Variants in EYS observed in about 807,000 individuals in gnomAD.
The protein encoded by EYS is protein eyes shut homolog.
In EYS, 250 loss-of-function variants were observed where a neutral mutation model predicts 282.1. The ratio of observed to expected loss-of-function variants is 0.89; its 90% CI spans 0.80 to 0.98. The LOEUF is 0.98. Ranked by LOEUF, EYS falls within the 50% of genes least tolerant of loss-of-function variation. EYS has a pLI of 0.00. For missense variants in EYS, 4,016 were observed against 3,709.0 expected (o/e 1.08, Z -2.15); for synonymous variants, 1,355 against 1,282.9 (o/e 1.06, Z -1.20).
chr6:64,454,316 G>A (rs762585877), intron 26 of EYS, among the ~76,000 whole-genome samples: 7 of 151,990 alleles, frequency 4.6e-5, no homozygotes, highest in East Asian at 1.9e-4. Context: ...CATAGGTCAC[G>A]TTCTGCATAT....
At chr6:63,954,971 C>T (rs1765752193) in intron 35 of EYS, among the ~76,000 whole-genome samples, 1 of 152,120 alleles carries the variant, frequency 6.6e-6, no homozygotes, top group African/African-American at 2.4e-5. Context: ...ATTGTTCAGG[C>T]CCCCTCTCTT....
intron 35 of EYS, among the ~76,000 whole-genome samples, chr6:63,888,002 C>T (rs1166482689): frequency 6.6e-6 from 1 of 152,180 alleles, no homozygotes; most frequent in Non-Finnish European, 1.5e-5. Context: ...TTTCCCCTCA[C>T]AGTGTAAACA....
intron 12 of EYS, among the ~76,000 whole-genome samples, chr6:65,159,724 A>G (rs562256519): frequency 6.6e-6 from 1 of 150,872 alleles, no homozygotes; most frequent in East Asian, 2.0e-4. Context: ...ACTCATATTA[A>G]GTTTTGGTAT....
chr6:65,306,217 C>G (rs145019632), intron 11 of EYS, among the ~76,000 whole-genome samples: 1 of 152,308 alleles, frequency 6.6e-6, no homozygotes, highest in Admixed American at 6.5e-5. Flanking sequence ...GTCATGTTGG[C>G]TCCTAAGGAA....
At chr6:64,819,684 G>A (rs12211046) in intron 21 of EYS, among the ~76,000 whole-genome samples, 9,533 of 151,876 alleles carry the variant, frequency 0.063, 389 homozygotes, top group Middle Eastern at 0.1. Flanking sequence ...ACAGTGGGAA[G>A]GATTTCTTTG....
chr6:65,421,796 G>C (rs565354666), intron 5 of EYS, among the ~76,000 whole-genome samples: 1 of 151,824 alleles, frequency 6.6e-6, no homozygotes, highest in Non-Finnish European at 1.5e-5. Flanking sequence ...CATGAGAAGA[G>C]GGGGAGAGAA....
rs77513451 is a variant in EYS at position 64,904,665 on chromosome 6, T to G, written c.2642-2165A>C. ...CAGGGCATTTTGACACTAAAATGAT[T>G]CTTAGAAATGTTCTTTTGAGGCAGT... On this transcript the variant is annotated intron_variant, in intron 16 of 42. Transcript: ENST00000503581. Among the ~76,000 whole-genome samples, 1,097 of 152,294 alleles carry G rather than the reference T, an allele frequency of 7.2e-3. 26 individuals carry two copies. The highest frequency in any genetic ancestry group is 0.042 in the Admixed American group (644 of 15,286).
At chr6:64,245,461 T>G (rs1766981525) in intron 30 of EYS, among the ~76,000 whole-genome samples, 1 of 152,044 alleles carries the variant, frequency 6.6e-6, no homozygotes, top group Non-Finnish European at 1.5e-5. Context: ...ATTACAGTTG[T>G]GAGCCACTGC....
intron 31 of EYS, among the ~76,000 whole-genome samples, chr6:64,138,494 T>C (rs969264592): frequency 6.6e-5 from 10 of 152,108 alleles, no homozygotes; most frequent in Non-Finnish European, 1.3e-4. Flanking sequence ...TAAGAGGGCA[T>C]ATAAAACAAT....
At position 64,549,517 on chromosome 6, in the gene EYS, C is replaced by T. The variant is rs534100981; in HGVS notation, c.5644+40706G>A. Among the ~76,000 whole-genome samples, 111 of 152,270 alleles carry T rather than the reference C, an allele frequency of 7.3e-4. 1 individual carries two copies. The Middle Eastern group carries it at 0.014, about 19-fold the overall frequency. Reference sequence around the variant, plus strand: ...AAGGCAATGCTAATCAATGATGTGGCCAATTCTTTCTGCAACAGTTATACA... The same window carrying T: ...AAGGCAATGCTAATCAATGATGTGGTCAATTCTTTCTGCAACAGTTATACA... On this transcript the variant is annotated intron_variant, in intron 26 of 42. Transcript: ENST00000503581.
intron 19 of EYS, among the ~76,000 whole-genome samples, chr6:64,835,829 C>T (rs1426638158): frequency 1.3e-5 from 2 of 151,494 alleles, no homozygotes; most frequent in Non-Finnish European, 3.0e-5. Flanking sequence ...AAACTATGTG[C>T]CAAGGCTCGA....
At chr6:64,170,543 G>T (rs1250216997) in intron 31 of EYS, among the ~76,000 whole-genome samples, 1 of 151,538 alleles carries the variant, frequency 6.6e-6, no homozygotes, top group Non-Finnish European at 1.5e-5. Flanking sequence ...CTTCTTGGCT[G>T]CATCGCTGCC....
intron 29 of EYS, among the ~76,000 whole-genome samples, chr6:64,340,033 C>G (rs550508445): frequency 1.5e-5 from 1 of 67,960 alleles, no homozygotes; most frequent in East Asian, 4.7e-4. Flanking sequence ...CACTTGTACC[C>G]CAATAATCTA....
At chr6:65,181,604 TTGG>T (rs1765385931) in intron 12 of EYS, among the ~76,000 whole-genome samples, 1 of 152,148 alleles carries the variant, frequency 6.6e-6, no homozygotes, top group African/African-American at 2.4e-5. Flanking sequence ...TTTCACACTG[TTGG>T]TGGGACTGTA....
intron 31 of EYS, among the ~76,000 whole-genome samples, chr6:64,097,939 A>T (rs1772689311): frequency 6.6e-6 from 1 of 152,238 alleles, no homozygotes; most frequent in African/African-American, 2.4e-5. Context: ...ATACCTCATG[A>T]ATACTAGGAA....
intron 2 of EYS, among the ~76,000 whole-genome samples, chr6:65,516,309 A>T (rs1582403905): frequency 6.6e-6 from 1 of 152,200 alleles, no homozygotes; most frequent in Admixed American, 6.6e-5. Context: ...AATCTGTCTA[A>T]TTCTAAGAAT....
At chr6:65,344,381 C>T (rs373209999) in intron 9 of EYS, among the ~76,000 whole-genome samples, 16 of 151,586 alleles carry the variant, frequency 1.1e-4, no homozygotes, top group Non-Finnish European at 2.4e-4. Flanking sequence ...CTGAGAAATA[C>T]AGCATCACAA....
At chr6:64,343,060 T>C (rs1344241600) in intron 29 of EYS, among the ~76,000 whole-genome samples, 7 of 152,074 alleles carry the variant, frequency 4.6e-5, no homozygotes, top group African/African-American at 1.4e-4. Context: ...ATAAAGCAAG[T>C]ACTTAGTTAC....
At chr6:65,128,654 C>T (rs1446896068) in intron 12 of EYS, among the ~76,000 whole-genome samples, 1 of 151,804 alleles carries the variant, frequency 6.6e-6, no homozygotes, top group East Asian at 1.9e-4. Flanking sequence ...CTACAAAATA[C>T]TCCTGAGAGA....
Sources: gnomAD v4.1 joint callset for allele counts (sites outside exome capture counted in the v4.1 genomes callset) on GRCh38, gnomAD v4.1.1 for gene constraint, MANE v1.5 for transcripts, NCBI Gene and HGNC (gene_info 2026-07-23, HGNC 2026-07-21) for gene names.